UNC80: variants seen among roughly 807,000 people sequenced by gnomAD.
UNC80 encodes the protein unc-80 subunit of NALCN channel complex, also known as protein unc-80 homolog.
In UNC80, 164 loss-of-function variants were observed where a neutral mutation model predicts 384.6. The ratio of observed to expected loss-of-function variants is 0.43; its 90% CI spans 0.38 to 0.49. The LOEUF (loss-of-function observed/expected upper bound fraction) is 0.49. Among genes scored for constraint, UNC80 ranks in the 20% least tolerant of loss-of-function variants. The probability of loss-of-function intolerance (pLI) is 0.00; values close to 1 mark genes in which losing one functional copy is unlikely to be tolerated. For missense variants in UNC80, 3,330 were observed against 4,143.0 expected (o/e 0.80, Z 5.39); for synonymous variants, 1,486 against 1,527.8 (o/e 0.97, Z 0.64).
chr2:209,816,566 C>G (rs1163733389), intron 9 of UNC80, among the ~76,000 whole-genome samples: 1 of 152,182 alleles, frequency 6.6e-6, no homozygotes. Context: ...CATTGCTGGA[C>G]CTCAGCTTCT....
chr2:209,908,613 T>A (rs1486950706), intron 29 of UNC80, among the ~76,000 whole-genome samples: 1 of 152,204 alleles, frequency 6.6e-6, no homozygotes, highest in Admixed American at 6.5e-5. Flanking sequence ...AGGAACAAAT[T>A]GTGATACATG....
chr2:209,872,941 G>T lies in UNC80; in HGVS notation c.3811G>T (p.Ala1271Ser). The T allele has an allele frequency of 6.4e-7, 1 of 1,551,682 alleles. No individual in the cohort carries two copies. The change falls in exon 23 of 65, where the codon GCA (alanine) becomes TCA (serine). Residue 1271 changes from alanine (A) to serine (S), a missense_variant. Transcript: ENST00000673920. The surrounding 1 kb of genome is among the most constrained non-coding windows in gnomAD (Gnocchi z 4.1). Reference protein sequence around the residue: ...NKRNQKLQWNAAKLFYQWGDA... With the variant: ...NKRNQKLQWNSAKLFYQWGDA... ...GCGAAACCAGAAGCTGCAGTGGAAT[G>T]CAGCCAAGCTCTTCTACCAATGGGG...
chr2:209,869,258 A>T (rs893851881), intron 22 of UNC80: 1 of 152,180 alleles, frequency 6.6e-6, no homozygotes, highest in Non-Finnish European at 1.5e-5. Context: ...AAAGAGGGAA[A>T]ATTGACTTTC....
At chr2:209,833,962 C>G in intron 16 of UNC80, 40 bp from the exon 17 acceptor site, 1 of 1,542,206 alleles carries the variant, frequency 6.5e-7, no homozygotes, top group Non-Finnish European at 8.8e-7. Flanking sequence ...AATCACACAG[C>G]TATCTTTCTT....
chr2:209,903,062 C>T (rs1350118550), intron 28 of UNC80, among the ~76,000 whole-genome samples: 2 of 151,898 alleles, frequency 1.3e-5, no homozygotes, highest in East Asian at 1.9e-4. Flanking sequence ...AAACTATGCA[C>T]ATCCTCCCAC....
At chr2:209,836,993 A>G (rs1455301345) in intron 18 of UNC80, among the ~76,000 whole-genome samples, 1 of 152,246 alleles carries the variant, frequency 6.6e-6, no homozygotes, top group Non-Finnish European at 1.5e-5. Context: ...TGCATTTACC[A>G]AAAGTGAGAA....
At chr2:209,887,228 G>GT (rs2085900092) in intron 25 of UNC80, among the ~76,000 whole-genome samples, 1 of 151,978 alleles carries the variant, frequency 6.6e-6, no homozygotes, top group Non-Finnish European at 1.5e-5. Flanking sequence ...TATAGACGGG[G>GT]TTTTTTCTCG....
In UNC80 at chr2:209,995,787, A is replaced by G; in HGVS notation, c.*192A>G. On this transcript the variant is annotated 3_prime_UTR_variant, in exon 65 of 65. Coordinates refer to ENST00000673920, the MANE Select transcript of UNC80 (RefSeq NM_001371986.1). The stretch of plus-strand genomic sequence containing the variant: ...TAAACATCTTAAAAGTCAATGGCTA[A>G]AAGGATTTAGTTGTGTGAAAATCAC... The G allele has an allele frequency of 3.2e-6, 2 of 633,002 alleles. No individual in the cohort carries two copies. Among genetic ancestry groups the G allele is most frequent in the Admixed American group, 3.2e-5 (1 of 31,502 alleles). 39.2% of individuals were successfully genotyped at this position (633,002 alleles called of 1,614,324 possible). A position where few individuals can be genotyped will look rare whatever the true frequency, so the allele number is the denominator to read the frequency against.
Position 209,933,860 on chromosome 2 carries a change from G to T in UNC80, c.6033G>T (p.Glu2011Asp), listed in dbSNP as rs1290835771. 6.4e-7 allele frequency: 1 copy of T among 1,551,344 alleles called. No homozygotes were observed. The highest frequency in any genetic ancestry group is 8.7e-7 in the Non-Finnish European group (1 of 1,146,784). ...TGTACTTTGTGCGGACCCCCTGCGA[G>T]TGGGGGATGGATGCCATTTCAGCCA... ...LIMYFVRTPC[E>D]WGMDAISATL... The change falls in exon 39 of 65, where the codon GAG becomes GAT. Residue 2011 changes from glutamate to aspartate, a missense_variant. This residue lies in a region of UNC80 where 1,049 missense variants were observed against 1,488.6 expected (regional missense o/e 0.70). Coordinates refer to ENST00000673920, the MANE Select transcript of UNC80 (RefSeq NM_001371986.1).
At chr2:209,837,864 T>C (rs1448571328) in intron 18 of UNC80, among the ~76,000 whole-genome samples, 4 of 151,704 alleles carry the variant, frequency 2.6e-5, no homozygotes, top group Non-Finnish European at 5.9e-5. Context: ...CTCCTCCTCC[T>C]GGGTTCACAC....
In UNC80 at chr2:209,973,280, TTC is replaced by T. The variant is rs141804658; in HGVS notation, c.8587+26_8587+27del. ...CAAGCAGCATACTTGGGTTGGTACTTTCTCTCTCTCTCTCTCTGTTTGTGCAT... is the reference window on the plus strand; with the variant it reads ...CAAGCAGCATACTTGGGTTGGTACTTTCTCTCTCTCTCTCTGTTTGTGCAT... On this transcript the variant is annotated intron_variant, in intron 56 of 64. Coordinates refer to ENST00000673920, the MANE Select transcript of UNC80 (RefSeq NM_001371986.1). The T allele has an allele frequency of 0.024, 30,727 of 1,267,378 alleles. No individual in the cohort carries two copies. Among genetic ancestry groups the T allele is most frequent in the South Asian group, 0.046 (2,477 of 53,508 alleles). The allele number at this position is 1,267,378 out of a possible 1,614,324, so 78.5% of individuals were successfully genotyped here.
chr2:209,927,698 T>A (rs2090544269), intron 36 of UNC80, among the ~76,000 whole-genome samples: 1 of 152,158 alleles, frequency 6.6e-6, no homozygotes, highest in Non-Finnish European at 1.5e-5. Flanking sequence ...AGTATAAAAC[T>A]CTGTACAAGC....
At chr2:209,901,889 A>G (rs997900034) in intron 28 of UNC80, among the ~76,000 whole-genome samples, 2 of 151,878 alleles carry the variant, frequency 1.3e-5, no homozygotes, top group African/African-American at 4.8e-5. Context: ...AGATCGCGCC[A>G]CTGCACTCCA....
At chr2:209,905,970 A>G (rs1242254006) in intron 29 of UNC80, among the ~76,000 whole-genome samples, 1 of 152,188 alleles carries the variant, frequency 6.6e-6, no homozygotes, top group African/African-American at 2.4e-5. Context: ...TGCTTTTCCT[A>G]AGTGGTTTTG....
chr2:209,837,016 C>T (rs2081375558), intron 18 of UNC80, among the ~76,000 whole-genome samples: 1 of 152,108 alleles, frequency 6.6e-6, no homozygotes, highest in African/African-American at 2.4e-5. Context: ...GCTTCATACC[C>T]TGTAATCATT....
chr2:209,871,486 T>C (rs1183905485), intron 22 of UNC80, among the ~76,000 whole-genome samples: 1 of 152,220 alleles, frequency 6.6e-6, no homozygotes, highest in African/African-American at 2.4e-5. Flanking sequence ...ATTTTAACTT[T>C]ATGGATTGAT....
chr2:209,905,095 G>A, intron 29 of UNC80, 130 bp downstream of exon 29: 1 of 903,398 alleles, frequency 1.1e-6, no homozygotes, highest in East Asian at 2.7e-5. Flanking sequence ...CTAAACATAA[G>A]CAGAAGAGAT....
chr2:209,871,682 A>G (rs113942220), intron 22 of UNC80, among the ~76,000 whole-genome samples: 2 of 152,280 alleles, frequency 1.3e-5, no homozygotes, highest in African/African-American at 4.8e-5. Context: ...CTTATGATCT[A>G]TTGACCTTCT....
At chr2:209,821,460 T>C (rs1042129755) in intron 13 of UNC80, among the ~76,000 whole-genome samples, 2 of 152,156 alleles carry the variant, frequency 1.3e-5, no homozygotes, top group Non-Finnish European at 2.9e-5. Flanking sequence ...TGTAAAATTA[T>C]TTCTTTTAAG....
Sources: gnomAD v4.1 joint callset for allele counts (sites outside exome capture counted in the v4.1 genomes callset) on GRCh38, gnomAD v4.1.1 for gene constraint, gnomAD v4.1.1 regional missense constraint, Gnocchi (gnomAD v3.1) non-coding constraint, MANE v1.5 for transcripts, NCBI Gene and HGNC (gene_info 2026-07-23, HGNC 2026-07-21) for gene names.